The following CLIP2 variants were observed in gnomAD, a reference collection of about 807,000 sequenced individuals.
CLIP2 encodes CAP-Gly domain containing linker protein 2, also known as CAP-Gly domain-containing linker protein 2.
In CLIP2, 41 loss-of-function variants were observed where a neutral mutation model predicts 111.7. The ratio of observed to expected loss-of-function variants is 0.37; its 90% confidence interval spans 0.29 to 0.48. CLIP2 has a LOEUF of 0.48. CLIP2 is among the 20% of genes least tolerant of loss of function. The probability of loss-of-function intolerance (pLI) is 0.99; values close to 1 mark genes in which losing one functional copy is unlikely to be tolerated. For missense variants in CLIP2, 1,160 were observed against 1,422.1 expected, an observed-to-expected ratio of 0.82 and a Z score of 2.96; for synonymous variants, 660 against 644.2, an observed-to-expected ratio of 1.02 and a Z score of -0.37.
Position 74,375,890 on chromosome 7 carries a change from A to T in CLIP2, c.1489A>T (p.Thr497Ser). The change falls in exon 10 of 17, where the codon ACC becomes TCC. Residue 497 changes from threonine to serine, a missense_variant. Around this residue, in one of 5 missense-constraint regions of CLIP2, gnomAD observed 676 missense variants for 777.8 expected, o/e 0.87. Transcript: ENST00000223398. ...LLRELADNRL[T>S]TVAEKSRVLQ... ...CTGTCTCCCTCTCTCCCCACAGCTG[A>T]CCACAGTGGCCGAGAAGTCGCGCGT... 1 of 1,544,858 alleles carries T rather than the reference A, an allele frequency of 6.5e-7. No homozygotes were observed. The highest frequency in any genetic ancestry group is 8.7e-7 in the Non-Finnish European group (1 of 1,145,708).
At chr7:74,303,245 A>G (rs2116463012) in intron 1 of CLIP2, among the ~76,000 whole-genome samples, 1 of 152,318 alleles carries the variant, frequency 6.6e-6, no homozygotes, top group African/African-American at 2.4e-5. Flanking sequence ...CAACCTTCTC[A>G]GATTCCCTGA....
intron 1 of CLIP2, among the ~76,000 whole-genome samples, chr7:74,294,211 C>T (rs777548646): frequency 8.5e-5 from 13 of 152,206 alleles, no homozygotes; most frequent in Non-Finnish European, 1.5e-4. Context: ...GTATTACAGG[C>T]GTGAGCCACT....
chr7:74,369,544 A>G (rs1210221245), intron 8 of CLIP2, among the ~76,000 whole-genome samples: 1 of 151,662 alleles, frequency 6.6e-6, no homozygotes. Context: ...CCCCATCTCT[A>G]AAAATAAATA....
intron 3 of CLIP2, among the ~76,000 whole-genome samples, chr7:74,346,799 T>G (rs1789811727): frequency 6.7e-6 from 1 of 149,174 alleles, no homozygotes; most frequent in Non-Finnish European, 1.5e-5. Context: ...TTTGGGAAGC[T>G]GAGGTGGGAG....
intron 2 of CLIP2, among the ~76,000 whole-genome samples, chr7:74,329,095 T>TG (rs1183539702): frequency 3.1e-4 from 45 of 146,652 alleles, no homozygotes; most frequent in Non-Finnish European, 6.0e-4. Flanking sequence ...TGGTTTTTTT[T>TG]TTTTTTTTTT....
At chr7:74,391,797 G>C (rs1321110669) in intron 13 of CLIP2, among the ~76,000 whole-genome samples, 3 of 151,916 alleles carry the variant, frequency 2.0e-5, no homozygotes, top group Non-Finnish European at 4.4e-5. Context: ...TCCAGCCTGG[G>C]CAATAGAGTG....
At chr7:74,294,826 C>G (rs1758636180) in intron 1 of CLIP2, among the ~76,000 whole-genome samples, 1 of 152,178 alleles carries the variant, frequency 6.6e-6, no homozygotes, top group South Asian at 2.1e-4. Flanking sequence ...AGGCCAGACA[C>G]TTTGATGCCT....
At chr7:74,320,916 C>T (rs1308089180) in intron 2 of CLIP2, among the ~76,000 whole-genome samples, 1 of 151,420 alleles carries the variant, frequency 6.6e-6, no homozygotes, top group Non-Finnish European at 1.5e-5. Context: ...AGAAGGGCAC[C>T]CGCCCAGCCC....
intron 13 of CLIP2, among the ~76,000 whole-genome samples, chr7:74,393,496 C>T (rs1440995552): frequency 3.3e-5 from 5 of 151,744 alleles, no homozygotes; most frequent in African/African-American, 1.2e-4. Flanking sequence ...GCCACCATGC[C>T]CGGCTAATTT....
intron 3 of CLIP2, among the ~76,000 whole-genome samples, chr7:74,351,251 C>G (rs529866178): frequency 2.4e-4 from 37 of 151,508 alleles, no homozygotes; most frequent in African/African-American, 9.0e-4. Context: ...TGCTTGAGCC[C>G]GGAAGTTTGA....
At chr7:74,380,238 C>T (rs554547910) in intron 10 of CLIP2, 2 of 152,156 alleles carry the variant, frequency 1.3e-5, no homozygotes, top group South Asian at 4.2e-4. Flanking sequence ...TGACTTTTGT[C>T]ATAGTGATGT....
chr7:74,337,046 C>A (rs567111208), intron 2 of CLIP2, among the ~76,000 whole-genome samples: 5 of 151,718 alleles, frequency 3.3e-5, no homozygotes, highest in Non-Finnish European at 5.9e-5. Flanking sequence ...CTACCACATC[C>A]GGCTAATTTT....
chr7:74,398,348 G>C (rs1481987371), intron 14 of CLIP2, among the ~76,000 whole-genome samples: 2 of 151,634 alleles, frequency 1.3e-5, no homozygotes, highest in Non-Finnish European at 2.9e-5. Flanking sequence ...GACAGAGTGA[G>C]ACTTTGTCTC....
chr7:74,390,216 A>AGAAAGAAT (rs1791258318), intron 13 of CLIP2, among the ~76,000 whole-genome samples: 4 of 82,456 alleles, frequency 4.9e-5, no homozygotes, highest in African/African-American at 1.7e-4. Flanking sequence ...AAAGAAAGAA[A>AGAAAGAAT]GAAAGAAAGG....
chr7:74,359,441 C>T (rs958688302), intron 6 of CLIP2, among the ~76,000 whole-genome samples: 2 of 150,168 alleles, frequency 1.3e-5, no homozygotes, highest in Non-Finnish European at 3.0e-5. Flanking sequence ...GCAAGCTCCG[C>T]CCCCCAGGTT....
intron 6 of CLIP2, 42 bp from the exon 7 acceptor site, chr7:74,360,133 C>T (rs1303526440): frequency 8.6e-6 from 13 of 1,514,656 alleles, no homozygotes; most frequent in African/African-American, 2.7e-5. Flanking sequence ...CCCCATACCC[C>T]GGAGCATGCT....
At chr7:74,298,488 G>A (rs1396889674) in intron 1 of CLIP2, among the ~76,000 whole-genome samples, 2 of 151,238 alleles carry the variant, frequency 1.3e-5, no homozygotes, top group African/African-American at 4.9e-5. Flanking sequence ...ACAGGCATGA[G>A]CCACCACACC....
Position 74,386,602 on chromosome 7 carries a change from G to A in CLIP2, c.2561G>A (p.Ser854Asn). The change falls in exon 12 of 17, where the codon AGT becomes AAT. Residue 854 changes from serine (S) to asparagine (N), a missense_variant and splice_region_variant. Ser to Asn is a conservative substitution (Grantham distance 46). Around this residue, in one of 5 missense-constraint regions of CLIP2, gnomAD observed 676 missense variants for 777.8 expected, o/e 0.87. Transcript: ENST00000223398. ...ACCGAGATGCTCAGGGCCCAAGTAA[G>A]TGGTAAGTCTCCCTCCCGCAGGGCA... ...SQTEMLRAQV[S>N]ALESKCKSGE... The A allele has an allele frequency of 6.2e-7, 1 of 1,604,702 alleles. No homozygotes were observed. The highest frequency in any genetic ancestry group is 1.1e-5 in the South Asian group (1 of 89,712).
At chr7:74,373,066 G>A (rs782331938) in intron 9 of CLIP2, 30 bp downstream of exon 9, 84 of 1,476,184 alleles carry the variant, frequency 5.7e-5, no homozygotes, top group Middle Eastern at 5.2e-4. Flanking sequence ...CGCCTGGCCC[G>A]CCAGCCACCT....
Sources: allele counts gnomAD v4.1 joint callset (sites outside exome capture counted in the v4.1 genomes callset), GRCh38; gene constraint gnomAD v4.1.1; regional missense constraint gnomAD v4.1.1; transcripts MANE v1.5; gene names NCBI Gene and HGNC (gene_info 2026-07-23, HGNC 2026-07-21).